NLGN4X: variants seen among roughly 807,000 people sequenced by gnomAD.
NLGN4X encodes the protein neuroligin-4, X-linked.
In NLGN4X, 3 loss-of-function variants were observed where a neutral mutation model predicts 40.3. The observed-to-expected ratio is 0.07, with a 90% CI of 0.03 to 0.19. The LOEUF (loss-of-function observed/expected upper bound fraction) is 0.19. Ranked by LOEUF, NLGN4X falls within the 10% of genes least tolerant of loss-of-function variation. NLGN4X has a pLI of 1.00. For missense variants in NLGN4X, 382 were observed against 708.3 expected, an observed-to-expected ratio of 0.54 and a Z score of 5.23; for synonymous variants, 270 against 306.8, an observed-to-expected ratio of 0.88 and a Z score of 1.25.
chrX:6,016,245 A>C (rs1259794060), intron 3 of NLGN4X, among the ~76,000 whole-genome samples: 2 of 111,978 alleles, frequency 1.8e-5, no homozygotes, highest in Admixed American at 9.5e-5. Context: ...CACGCAGAAC[A>C]ACCTCTTCTT....
At chrX:6,055,251 T>C (rs192895424) in intron 2 of NLGN4X, among the ~76,000 whole-genome samples, 83 of 111,961 alleles carry the variant, frequency 7.4e-4, no homozygotes, top group Admixed American at 2.2e-3. Flanking sequence ...TCCTGGCACA[T>C]TGGAAGGCCT....
At chrX:5,918,610 C>T (rs12854806) in intron 3 of NLGN4X, among the ~76,000 whole-genome samples, 14,635 of 111,663 alleles carry the variant, frequency 0.13, 775 homozygotes, top group African/African-American at 0.18. Context: ...GCTGGCTTGC[C>T]GCTTTAACCA....
chrX:6,001,646 T>C (rs2035971896), intron 3 of NLGN4X, among the ~76,000 whole-genome samples: 1 of 108,826 alleles, frequency 9.2e-6, no homozygotes, highest in Non-Finnish European at 1.9e-5. Context: ...CAGAAAGAAC[T>C]AGAAGAAACT....
chrX:5,912,906 GGGAGGGAAGGAGGGAGGGAGGGAA>G, intron 3 of NLGN4X, among the ~76,000 whole-genome samples: 1 of 28,562 alleles, frequency 3.5e-5, no homozygotes, highest in African/African-American at 1.8e-4. Flanking sequence ...GCAGGAGGGA[GGGAGGGAAGGAGGGAGGGAGGGAA>G]GGAGGGAGGG....
intron 2 of NLGN4X, among the ~76,000 whole-genome samples, chrX:6,082,977 T>TTTTTTTG (rs1569227473): frequency 1.2e-5 from 1 of 85,675 alleles, no homozygotes; most frequent in African/African-American, 4.5e-5. Flanking sequence ...TTTTTTTTTT[T>TTTTTTTG]GAGACGGAGT....
chrX:5,974,684 C>T (rs1383949425), intron 3 of NLGN4X, among the ~76,000 whole-genome samples: 2 of 111,288 alleles, frequency 1.8e-5, no homozygotes, highest in African/African-American at 3.3e-5. Flanking sequence ...TCCTCCGTTA[C>T]CCACGGGGGA....
intron 3 of NLGN4X, among the ~76,000 whole-genome samples, chrX:6,018,023 A>G (rs971491548): frequency 9.0e-6 from 1 of 111,663 alleles, no homozygotes; most frequent in Non-Finnish European, 1.9e-5. Context: ...CAAGGAACAT[A>G]TTTTATATAT....
At chrX:6,073,299 C>G (rs776178368) in intron 2 of NLGN4X, among the ~76,000 whole-genome samples, 12 of 111,903 alleles carry the variant, frequency 1.1e-4, no homozygotes, top group Non-Finnish European at 1.7e-4. Context: ...GCACATACGG[C>G]CATGTTTTGA....
intron 3 of NLGN4X, among the ~76,000 whole-genome samples, chrX:6,014,637 T>A (rs1005749789): frequency 3.6e-5 from 4 of 111,394 alleles, no homozygotes; most frequent in African/African-American, 9.8e-5. Flanking sequence ...ACCCTGAGAG[T>A]GCAGAGTGGA....
chrX:5,918,885 G>T (rs751370204), intron 3 of NLGN4X, among the ~76,000 whole-genome samples: 3 of 111,871 alleles, frequency 2.7e-5, no homozygotes, highest in Non-Finnish European at 5.6e-5. Context: ...CACTAAGCAG[G>T]AGGGATGTTT....
chrX:6,140,301 AAGG>A (rs1246682359), intron 2 of NLGN4X, among the ~76,000 whole-genome samples: 1 of 111,397 alleles, frequency 9.0e-6, no homozygotes, highest in Non-Finnish European at 1.9e-5. Flanking sequence ...GTCTGGCTTG[AAGG>A]AGACTTTGGG....
rs529608747 is a variant in NLGN4X at position 6,114,521 on chromosome X, AACACACAC to A, written c.472+36466_472+36473del. 4.7e-3 allele frequency among the ~76,000 whole-genome samples: 447 copies of A among 95,644 alleles called. 4 individuals are homozygous for A. The highest frequency in any genetic ancestry group is 0.012 in the Admixed American group (99 of 8,425). 83.1% of individuals were successfully genotyped at this position (95,644 alleles called of 115,157 possible). On this transcript the variant is annotated intron_variant, in intron 2 of 5. Coordinates refer to ENST00000381095, the MANE Select transcript of NLGN4X (RefSeq NM_181332.3). ...TCAGCCTCTTTCCATCAAAGTGGCA[AACACACAC>A]ACACACACACACACACACACACACA...
chrX:5,935,740 A>G (rs1405025914), intron 3 of NLGN4X, among the ~76,000 whole-genome samples: 1 of 111,833 alleles, frequency 8.9e-6, no homozygotes. Context: ...GAGGTTCCAT[A>G]TATCAGTGAA....
At chrX:6,023,098 C>A (rs1469735502) in intron 3 of NLGN4X, among the ~76,000 whole-genome samples, 1 of 111,401 alleles carries the variant, frequency 9.0e-6, no homozygotes, top group African/African-American at 3.3e-5. Context: ...AAGAAATGCA[C>A]CGAAATGATC....
intron 2 of NLGN4X, among the ~76,000 whole-genome samples, chrX:6,055,890 T>C (rs1401277719): frequency 2.7e-5 from 3 of 111,837 alleles, no homozygotes; most frequent in African/African-American, 6.5e-5. Flanking sequence ...CTTTAATTCA[T>C]TGTCTGCCAT....
At chrX:6,131,657 G>T (rs2147622442) in intron 2 of NLGN4X, among the ~76,000 whole-genome samples, 1 of 112,116 alleles carries the variant, frequency 8.9e-6, no homozygotes, top group Non-Finnish European at 1.9e-5. Flanking sequence ...TCCCAAATAG[G>T]ATCAATGAGA....
At chrX:6,070,026 A>G (rs1014540460) in intron 2 of NLGN4X, among the ~76,000 whole-genome samples, 3 of 111,481 alleles carry the variant, frequency 2.7e-5, no homozygotes, top group Admixed American at 1.9e-4. Context: ...TTCCATTGCA[A>G]TGTTTCATGT....
At chrX:5,970,201 T>C (rs150829131) in intron 3 of NLGN4X, among the ~76,000 whole-genome samples, 1,667 of 106,546 alleles carry the variant, frequency 0.016, 15 homozygotes, top group Non-Finnish European at 0.023. Flanking sequence ...AATACAATAG[T>C]AATAATGATT....
intron 1 of NLGN4X, among the ~76,000 whole-genome samples, chrX:6,215,522 G>A (rs867355289): frequency 2.9e-5 from 3 of 104,407 alleles, no homozygotes; most frequent in Non-Finnish European, 3.9e-5. Flanking sequence ...GCACTCCAGC[G>A]TGGGTAACGA....
Sources: gnomAD v4.1 joint callset for allele counts (sites outside exome capture counted in the v4.1 genomes callset) on GRCh38, gnomAD v4.1.1 for gene constraint, MANE v1.5 for transcripts, NCBI Gene and HGNC (gene_info 2026-07-23, HGNC 2026-07-21) for gene names.